The following NCKAP5 variants were observed in gnomAD, a reference collection of about 807,000 sequenced individuals.
NCKAP5 encodes nck-associated protein 5.
A neutral mutation model predicts 167.0 loss-of-function variants in NCKAP5; 92 were observed. The ratio of observed to expected loss-of-function variants is 0.55; its 90% CI spans 0.47 to 0.66. The LOEUF (loss-of-function observed/expected upper bound fraction) is 0.66, where lower values mean the gene tolerates loss of function less well. Among genes scored for constraint, NCKAP5 ranks in the 30% least tolerant of loss-of-function variants. The pLI, the probability that NCKAP5 is intolerant of heterozygous loss-of-function variation, is 0.00. For synonymous variants in NCKAP5, 891 were observed against 877.4 expected, an observed-to-expected ratio of 1.02 and a Z score of -0.27; for missense variants, 2,378 against 2,315.0, an observed-to-expected ratio of 1.03 and a Z score of -0.56.
chr2:133,022,948 T>C (rs570623584), intron 6 of NCKAP5, among the ~76,000 whole-genome samples: 41 of 152,312 alleles, frequency 2.7e-4, no homozygotes, highest in African/African-American at 9.4e-4. Flanking sequence ...GAGAGGCCCA[T>C]GTGGCATTGA....
intron 2 of NCKAP5, among the ~76,000 whole-genome samples, chr2:133,523,089 G>A (rs541334536): frequency 2.0e-5 from 3 of 146,748 alleles, no homozygotes; most frequent in African/African-American, 7.6e-5. Context: ...AGAAATCTAA[G>A]TTGGCCTTAA....
At chr2:132,718,991 TC>T (rs752523404) in intron 19 of NCKAP5, among the ~76,000 whole-genome samples, 2 of 152,216 alleles carry the variant, frequency 1.3e-5, no homozygotes, top group African/African-American at 2.4e-5. Context: ...CCTGAAGACT[TC>T]CTGCTGGGGG....
chr2:133,112,221 T>A (rs1266761578), intron 6 of NCKAP5, among the ~76,000 whole-genome samples: 1 of 152,186 alleles, frequency 6.6e-6, no homozygotes, highest in Non-Finnish European at 1.5e-5. Context: ...ACACCTGTAA[T>A]CCCAGCACTT....
At chr2:133,588,104 A>G in the NCKAP5 span, among the ~76,000 whole-genome samples, 1 of 152,346 alleles carries the variant, frequency 6.6e-6, no homozygotes, top group Admixed American at 6.5e-5. Flanking sequence ...GTATACACAC[A>G]CACACTTACA....
intron 6 of NCKAP5, among the ~76,000 whole-genome samples, chr2:133,044,375 A>T (rs1460839400): frequency 6.6e-6 from 1 of 152,210 alleles, no homozygotes; most frequent in Non-Finnish European, 1.5e-5. Flanking sequence ...CCATACATCA[A>T]TAAGAACCCA....
chr2:132,787,801 G>A (rs555751940), intron 13 of NCKAP5, among the ~76,000 whole-genome samples: 1 of 152,112 alleles, frequency 6.6e-6, no homozygotes. Context: ...CACAGTGTAA[G>A]TTTCTAAGAA....
intron 6 of NCKAP5, among the ~76,000 whole-genome samples, chr2:133,076,146 T>G (rs1481967328): frequency 6.6e-6 from 1 of 152,222 alleles, no homozygotes; most frequent in African/African-American, 2.4e-5. Flanking sequence ...ACATAAACAA[T>G]TAATTTTTGT....
At chr2:132,900,642 T>A (rs986106348) in intron 8 of NCKAP5, among the ~76,000 whole-genome samples, 1 of 152,128 alleles carries the variant, frequency 6.6e-6, no homozygotes, top group African/African-American at 2.4e-5. Flanking sequence ...TTATAGAGTA[T>A]GAAAACTGTT....
intron 16 of NCKAP5, among the ~76,000 whole-genome samples, chr2:132,757,582 T>C (rs1346736306): frequency 6.6e-6 from 1 of 152,224 alleles, no homozygotes; most frequent in East Asian, 1.9e-4. Flanking sequence ...AATTTTCATC[T>C]CCACAATTTG....
chr2:133,413,053 GC>G (rs1688873275), intron 3 of NCKAP5, among the ~76,000 whole-genome samples: 1 of 152,190 alleles, frequency 6.6e-6, no homozygotes, highest in Non-Finnish European at 1.5e-5. Context: ...TGCAGGTCTG[GC>G]CTGCCTGGAG....
intron 7 of NCKAP5, among the ~76,000 whole-genome samples, chr2:132,970,777 A>C (rs963219044): frequency 1.3e-5 from 2 of 152,134 alleles, no homozygotes; most frequent in African/African-American, 4.8e-5. Flanking sequence ...AACATCAATC[A>C]ACACAAAGTT....
At chr2:132,895,203 C>T (rs6711152) in intron 8 of NCKAP5, among the ~76,000 whole-genome samples, 116,833 of 151,480 alleles carry the variant, frequency 0.77, 45,608 homozygotes, top group East Asian at 0.94. Flanking sequence ...TGGTGGCGGG[C>T]GCCTGTAGTC....
chr2:132,895,286 G>C (rs369837172), intron 8 of NCKAP5, among the ~76,000 whole-genome samples: 2 of 148,950 alleles, frequency 1.3e-5, no homozygotes, highest in African/African-American at 2.5e-5. Context: ...AGCCGAGATC[G>C]CGTCACTGCA....
intron 9 of NCKAP5, among the ~76,000 whole-genome samples, chr2:132,878,600 G>A (rs959806435): frequency 2.7e-5 from 4 of 148,082 alleles, no homozygotes; most frequent in Non-Finnish European, 5.9e-5. Flanking sequence ...AATTAGGGAG[G>A]GAGGGGGGCA....
the NCKAP5 span, among the ~76,000 whole-genome samples, chr2:133,605,752 G>GA: frequency 6.6e-6 from 1 of 152,044 alleles, no homozygotes; most frequent in East Asian, 1.9e-4. Context: ...CTTATTCCTT[G>GA]AAAAAACCCT....
chr2:132,807,272 TG>T (rs1160208041), intron 11 of NCKAP5, among the ~76,000 whole-genome samples: 34 of 152,232 alleles, frequency 2.2e-4, no homozygotes, highest in African/African-American at 8.2e-4. Flanking sequence ...ATTTTAGAAT[TG>T]TTTTTTTCTA....
intron 3 of NCKAP5, among the ~76,000 whole-genome samples, chr2:133,394,755 T>G (rs984139176): frequency 6.6e-6 from 1 of 152,108 alleles, no homozygotes; most frequent in African/African-American, 2.4e-5. Flanking sequence ...GAAACCAAAT[T>G]TATCAAATAA....
the NCKAP5 span, among the ~76,000 whole-genome samples, chr2:133,650,656 C>A: frequency 6.6e-6 from 1 of 152,010 alleles, no homozygotes; most frequent in South Asian, 2.1e-4. Context: ...AGGTGGATTG[C>A]CTAAGGTCAG....
chr2:133,391,572 A>G (rs1472304187), intron 3 of NCKAP5, among the ~76,000 whole-genome samples: 2 of 152,150 alleles, frequency 1.3e-5, no homozygotes, highest in East Asian at 3.8e-4. Context: ...TGGTGGCCCC[A>G]CAGTCCATCT....
Sources: allele counts gnomAD v4.1 joint callset (sites outside exome capture counted in the v4.1 genomes callset), GRCh38; gene constraint gnomAD v4.1.1; transcripts MANE v1.5; gene names NCBI Gene and HGNC (gene_info 2026-07-23, HGNC 2026-07-21).